Variants in RCAN1 observed in about 807,000 individuals in gnomAD.
The protein encoded by RCAN1 is regulator of calcineurin 1, also known as calcipressin-1.
A neutral mutation model predicts 22.9 loss-of-function variants in RCAN1; 11 were observed. The ratio of observed to expected loss-of-function variants is 0.48; its 90% CI spans 0.30 to 0.79. The LOEUF (loss-of-function observed/expected upper bound fraction) is 0.79, where lower values mean the gene tolerates loss of function less well. RCAN1 is among the 30% of genes least tolerant of loss of function. The pLI is 0.06. For missense variants in RCAN1, 291 were observed against 337.8 expected (o/e 0.86, Z 1.09); for synonymous variants, 136 against 142.3 (o/e 0.96, Z 0.32).
At chr21:34,591,020 G>A (rs1017332315) in intron 1 of RCAN1, among the ~76,000 whole-genome samples, 2 of 152,162 alleles carry the variant, frequency 1.3e-5, no homozygotes, top group Admixed American at 6.5e-5. Context: ...CCTCTGTAGT[G>A]TTCTGAAGAA....
intron 1 of RCAN1, among the ~76,000 whole-genome samples, chr21:34,541,323 A>G (rs1184959292): frequency 2.0e-5 from 3 of 152,228 alleles, no homozygotes; most frequent in Non-Finnish European, 4.4e-5. Flanking sequence ...AATAAGTGGG[A>G]AAAAGATATA....
chr21:34,578,527 A>G (rs755993598), intron 1 of RCAN1, among the ~76,000 whole-genome samples: 2 of 152,092 alleles, frequency 1.3e-5, no homozygotes, highest in Admixed American at 6.6e-5. Context: ...TGATTGTCAC[A>G]GGGCGGCAGA....
chr21:34,549,341 C>T (rs1046117502), intron 1 of RCAN1, among the ~76,000 whole-genome samples: 2 of 152,158 alleles, frequency 1.3e-5, no homozygotes, highest in South Asian at 2.1e-4. Context: ...TTAACCTATG[C>T]CCTTGTATAA....
At chr21:34,583,384 T>A in intron 1 of RCAN1, among the ~76,000 whole-genome samples, 1 of 151,986 alleles carries the variant, frequency 6.6e-6, no homozygotes, top group Non-Finnish European at 1.5e-5. Flanking sequence ...ACCATGTTGG[T>A]CAGGCTGGTC....
In RCAN1 at chr21:34,521,431, C is replaced by T. The variant is rs576649760; in HGVS notation, c.586+68G>A. ...GAGAGCTACGGGGGTAGTGGTGGTA[C>T]TGCTCCCTGGTGCAGGGCAGCAGCT... On this transcript the variant is annotated intron_variant, in intron 3 of 3. Transcript: ENST00000313806. The T allele has an allele frequency of 6.8e-6, 11 of 1,610,082 alleles. No individual in the cohort carries two copies. The African/African-American group carries it at 1.2e-4, about 18-fold the overall frequency.
At chr21:34,546,126 C>T (rs578089839) in intron 1 of RCAN1, among the ~76,000 whole-genome samples, 1 of 152,272 alleles carries the variant, frequency 6.6e-6, no homozygotes, top group East Asian at 1.9e-4. Flanking sequence ...CTGAAGGATG[C>T]TAAAAGAAAG....
At chr21:34,571,457 G>A (rs951846384) in intron 1 of RCAN1, among the ~76,000 whole-genome samples, 1 of 152,132 alleles carries the variant, frequency 6.6e-6, no homozygotes. Context: ...CTCTTCAACA[G>A]AAGTATTGTG....
intron 1 of RCAN1, among the ~76,000 whole-genome samples, chr21:34,589,737 C>T (rs771002522): frequency 6.6e-6 from 1 of 152,012 alleles, no homozygotes; most frequent in African/African-American, 2.4e-5. Flanking sequence ...TTTTCCTGCC[C>T]GCCTGCCTGA....
At position 34,517,027 on chromosome 21, in the gene RCAN1, G is replaced by A. The variant is rs1984086415; in HGVS notation, c.*1057C>T. The stretch of plus-strand genomic sequence containing the variant: ...CCTACAACATATGATTCACAGGTAG[G>A]TTAATACATCTTAGTCTCCCACTGC... On this transcript the variant is annotated 3_prime_UTR_variant, in exon 4 of 4. Coordinates refer to ENST00000313806, the MANE Select transcript of RCAN1 (RefSeq NM_004414.7). 1 of 152,568 alleles carries A rather than the reference G, an allele frequency of 6.6e-6. No homozygotes were observed. Among genetic ancestry groups the A allele is most frequent in the Admixed American group, 6.5e-5 (1 of 15,280 alleles). The allele number at this position is 152,568 out of a possible 1,614,324, so 9.5% of individuals were successfully genotyped here.
chr21:34,521,990 G>A, intron 2 of RCAN1: 2 of 231,734 alleles, frequency 8.6e-6, no homozygotes, highest in South Asian at 1.4e-4. Flanking sequence ...TGTCATTGAG[G>A]TCAGGAGGGC....
At chr21:34,543,412 G>A (rs1355239387) in intron 1 of RCAN1, among the ~76,000 whole-genome samples, 2 of 152,184 alleles carry the variant, frequency 1.3e-5, no homozygotes, top group Non-Finnish European at 2.9e-5. Flanking sequence ...GAAAGTGGGA[G>A]TCTTTGGAAC....
chr21:34,531,455 A>G (rs758323303), intron 1 of RCAN1, among the ~76,000 whole-genome samples: 1 of 152,242 alleles, frequency 6.6e-6, no homozygotes, highest in South Asian at 2.1e-4. Flanking sequence ...TCTCTATCCC[A>G]TCCTTCACCG....
intron 1 of RCAN1, among the ~76,000 whole-genome samples, chr21:34,595,969 C>T (rs906155351): frequency 1.2e-4 from 19 of 152,232 alleles, no homozygotes; most frequent in African/African-American, 4.6e-4. Flanking sequence ...GGATTCTGGC[C>T]GAGGAGCAGA....
chr21:34,543,139 G>A (rs138391547), intron 1 of RCAN1, among the ~76,000 whole-genome samples: 100 of 152,364 alleles, frequency 6.6e-4, no homozygotes, highest in Admixed American at 1.0e-3. Context: ...ATCCACATAG[G>A]TGTGGGCCTC....
chr21:34,558,350 G>C (rs1403660258), intron 1 of RCAN1, among the ~76,000 whole-genome samples: 3 of 152,188 alleles, frequency 2.0e-5, no homozygotes, highest in African/African-American at 4.8e-5. Flanking sequence ...CTTCCTCTAG[G>C]AAAGCAGGCC....
chr21:34,543,928 C>T (rs1986024706), intron 1 of RCAN1, among the ~76,000 whole-genome samples: 1 of 152,196 alleles, frequency 6.6e-6, no homozygotes, highest in Non-Finnish European at 1.5e-5. Flanking sequence ...TCGGAGTGGT[C>T]AGTGCCCACG....
intron 1 of RCAN1, among the ~76,000 whole-genome samples, chr21:34,563,008 T>C (rs1358826319): frequency 1.3e-5 from 2 of 152,216 alleles, no homozygotes; most frequent in Non-Finnish European, 2.9e-5. Context: ...ACAGGGACTC[T>C]TCCATAAACA....
At chr21:34,601,801 G>C (rs918244662) in intron 1 of RCAN1, among the ~76,000 whole-genome samples, 9 of 142,476 alleles carry the variant, frequency 6.3e-5, no homozygotes, top group African/African-American at 2.4e-4. Context: ...CTGGGCAACA[G>C]AGTGAGACTC....
intron 1 of RCAN1, among the ~76,000 whole-genome samples, chr21:34,574,076 C>T (rs963860674): frequency 3.3e-5 from 5 of 152,184 alleles, no homozygotes; most frequent in African/African-American, 1.2e-4. Context: ...GGAAGGGACT[C>T]ACCAAATGAA....
Sources: gnomAD v4.1 joint callset for allele counts (sites outside exome capture counted in the v4.1 genomes callset) on GRCh38, gnomAD v4.1.1 for gene constraint, MANE v1.5 for transcripts, NCBI Gene and HGNC (gene_info 2026-07-23, HGNC 2026-07-21) for gene names.